The following ASXL1 variants were observed in gnomAD, a reference collection of about 807,000 sequenced individuals.
ASXL1 encodes the protein polycomb group protein ASXL1.
Under a neutral mutation model 89.1 loss-of-function variants are expected in ASXL1, and 65 were observed. That is an observed-to-expected ratio of 0.73 (90% confidence interval 0.60 to 0.90). The LOEUF (loss-of-function observed/expected upper bound fraction) is 0.90. Among genes scored for constraint, ASXL1 ranks in the 40% least tolerant of loss-of-function variants. The pLI is 0.00. For missense variants in ASXL1, 1,786 were observed against 1,942.9 expected (o/e 0.92, Z 1.52); for synonymous variants, 739 against 746.9 (o/e 0.99, Z 0.17).
intron 4 of ASXL1, among the ~76,000 whole-genome samples, chr20:32,418,363 G>A (rs1231965436): frequency 6.6e-6 from 1 of 152,050 alleles, no homozygotes. Flanking sequence ...CGCACAGTGA[G>A]ACCCTGTCTC....
intron 4 of ASXL1, among the ~76,000 whole-genome samples, chr20:32,396,937 TG>T (rs2048771852): frequency 6.6e-6 from 1 of 151,234 alleles, no homozygotes; most frequent in East Asian, 1.9e-4. Context: ...AGAATTGTCT[TG>T]GGCCACACAT....
chr20:32,386,590 G>A lies in ASXL1; in HGVS notation c.252+17467G>A, dbSNP rs531641897. The stretch of plus-strand genomic sequence containing the variant: ...GTGCCACCATGCCCAGCTGTTTTTT[G>A]TATAATTATTAGAGATGGGGTTTCG... On this transcript the variant is annotated intron_variant, in intron 4 of 12. Coordinates refer to ENST00000375687, the MANE Select transcript of ASXL1 (RefSeq NM_015338.6). 1.7e-3 allele frequency among the ~76,000 whole-genome samples: 260 copies of A among 151,946 alleles called. 3 individuals carry two copies. The highest frequency in any genetic ancestry group is 5.5e-3 in the African/African-American group (227 of 41,430).
chr20:32,420,501 T>C (rs1386424672), intron 4 of ASXL1, among the ~76,000 whole-genome samples: 10 of 152,190 alleles, frequency 6.6e-5, no homozygotes, highest in South Asian at 2.1e-4. Context: ...TTATTTTTTT[T>C]CAACATTAGC....
intron 10 of ASXL1, 162 bp from the exon 11 acceptor site, chr20:32,432,718 A>G: frequency 1.2e-6 from 1 of 838,320 alleles, no homozygotes; most frequent in South Asian, 1.7e-5. Context: ...GGAAGAGTGA[A>G]TTTCCCTTAT....
chr20:32,367,751 A>T (rs1287090932), intron 3 of ASXL1, 22 bp downstream of exon 3: 2 of 780,782 alleles, frequency 2.6e-6, no homozygotes, highest in Non-Finnish European at 4.8e-6. Context: ...CCTTTGGGAC[A>T]TATGGAATTG....
intron 12 of ASXL1, 124 bp from the exon 13 acceptor site, chr20:32,434,308 T>C (rs2011643777): frequency 8.0e-7 from 1 of 1,256,292 alleles, no homozygotes; most frequent in African/African-American, 1.5e-5. Flanking sequence ...TTTCATTGTT[T>C]TAAGGAAATT....
At chr20:32,392,259 C>T (rs563029452) in intron 4 of ASXL1, among the ~76,000 whole-genome samples, 2 of 149,560 alleles carry the variant, frequency 1.3e-5, no homozygotes, top group South Asian at 2.1e-4. Context: ...GGATTACAGG[C>T]GTGTGCCACC....
chr20:32,359,773 A>G (rs2048078849), intron 1 of ASXL1: 1 of 717,996 alleles, frequency 1.4e-6, no homozygotes, highest in Non-Finnish European at 2.6e-6. Flanking sequence ...TTGTGTTCAG[A>G]GCGTCAGAGG....
At chr20:32,371,556 G>A (rs1373470687) in intron 4 of ASXL1, among the ~76,000 whole-genome samples, 1 of 152,060 alleles carries the variant, frequency 6.6e-6, no homozygotes, top group Non-Finnish European at 1.5e-5. Context: ...CAAACTGCCA[G>A]GATTACAGAC....
chr20:32,436,703 C>T lies in ASXL1; in HGVS notation c.3991C>T (p.Pro1331Ser). The change falls in exon 13 of 13, where the codon CCA (proline) becomes TCA (serine). Residue 1331 changes from proline (P) to serine (S), a missense_variant. By Grantham distance (74) the Pro-to-Ser change is moderately conservative. Transcript: ENST00000375687. ...GATGCCTCTTCCTGCTGAGATCCCT[C>T]CAGTTTTTCCCAGTGGGAAGTTGGG... The part of the protein sequence containing the change: ...DPMPLPAEIP[P>S]VFPSGKLGPS... 5 of 1,614,006 alleles carry T rather than the reference C, an allele frequency of 3.1e-6. No individual in the cohort carries two copies. Among genetic ancestry groups the T allele is most frequent in the South Asian group, 1.1e-5 (1 of 91,082 alleles).
chr20:32,429,173 G>A lies in ASXL1; in HGVS notation c.472-165G>A, dbSNP rs905989993. 5.6e-6 allele frequency: 4 copies of A among 710,352 alleles called. No individual in the cohort carries two copies. Among genetic ancestry groups the A allele is most frequent in the Middle Eastern group, 3.4e-4 (1 of 2,974 alleles). 44.0% of individuals were successfully genotyped at this position (710,352 alleles called of 1,614,324 possible). A position where few individuals can be genotyped will look rare whatever the true frequency, so the allele number is the denominator to read the frequency against. Reference sequence around the variant, plus strand: ...TGATGCTTGGCACAGTGACCAGCACGTAGCTCAGTAACATTAACCAGTGCT... The same window carrying A: ...TGATGCTTGGCACAGTGACCAGCACATAGCTCAGTAACATTAACCAGTGCT... On this transcript the variant is annotated intron_variant, in intron 6 of 12. Transcript: ENST00000375687. This position sits in a 1 kb window ranked among gnomAD's most constrained non-coding sequence, Gnocchi z 4.9.
chr20:32,393,996 AT>A (rs11312197), intron 4 of ASXL1, among the ~76,000 whole-genome samples: 66,966 of 100,960 alleles, frequency 0.66, 21,554 homozygotes, highest in South Asian at 0.85. Flanking sequence ...ACACCTGGCT[AT>A]TTTTTTTTTT....
intron 4 of ASXL1, among the ~76,000 whole-genome samples, chr20:32,425,113 A>G (rs2011237888): frequency 6.6e-6 from 1 of 152,250 alleles, no homozygotes. Flanking sequence ...AAACGGAATC[A>G]TCAACTATGC....
chr20:32,374,840 T>G (rs572921054), intron 4 of ASXL1, among the ~76,000 whole-genome samples: 24 of 152,314 alleles, frequency 1.6e-4, no homozygotes, highest in Non-Finnish European at 2.8e-4. Flanking sequence ...CAAGGTGGTG[T>G]TAAATACATA....
At position 32,434,552 on chromosome 20, in the gene ASXL1, C is replaced by T. The variant is rs2011661718; in HGVS notation, c.1840C>T (p.Leu614Phe). The T allele has an allele frequency of 6.2e-7, 1 of 1,613,688 alleles. No homozygotes were observed. Among genetic ancestry groups the T allele is most frequent in the African/African-American group, 1.3e-5 (1 of 74,932 alleles). The change falls in exon 13 of 13, where the codon CTC becomes TTC. Residue 614 changes from leucine to phenylalanine, a missense_variant. Leu to Phe is a conservative substitution (Grantham distance 22). Coordinates refer to ENST00000375687, the MANE Select transcript of ASXL1 (RefSeq NM_015338.6). ...SCRGWTGARTLADIKARALQV... is the reference protein window; with the variant it reads ...SCRGWTGARTFADIKARALQV... ...CCGGGGTTGGACTGGCGCCAGGACCCTCGCAGACATTAAAGCCCGTGCTCT... is the reference window on the plus strand; with the variant it reads ...CCGGGGTTGGACTGGCGCCAGGACCTTCGCAGACATTAAAGCCCGTGCTCT...
chr20:32,427,134 G>C (rs1410245986), intron 4 of ASXL1: 1 of 152,142 alleles, frequency 6.6e-6, no homozygotes, highest in African/African-American at 2.4e-5. Flanking sequence ...ACTCTTTGTA[G>C]TTTTGAGGTG....
At chr20:32,391,129 A>G (rs994176588) in intron 4 of ASXL1, among the ~76,000 whole-genome samples, 4 of 151,962 alleles carry the variant, frequency 2.6e-5, no homozygotes, top group African/African-American at 7.3e-5. Flanking sequence ...GCCTCAAGGA[A>G]TCCTCCCACC....
Position 32,435,264 on chromosome 20 carries a change from C to T in ASXL1, c.2552C>T (p.Ser851Phe), listed in dbSNP as rs1167411017. Residue 851 changes from serine (S) to phenylalanine (F), a missense_variant, in exon 13 of 13, where the codon TCC becomes TTC. This residue lies in a region of ASXL1 where 1,418 missense variants were observed against 1,427.8 expected (regional missense o/e 0.99). Transcript: ENST00000375687. ...GTGACCCCCAGTTCCACACCTGAAT[C>T]CTCACCGACTGATTGCCTGCAGAAC... ...VNVTPSSTPE[S>F]SPTDCLQNRA... The T allele has an allele frequency of 6.2e-7, 1 of 1,614,148 alleles. No homozygotes were observed. Among genetic ancestry groups the T allele is most frequent in the South Asian group, 1.1e-5 (1 of 91,078 alleles).
At chr20:32,380,489 C>T (rs1490650669) in intron 4 of ASXL1, among the ~76,000 whole-genome samples, 4 of 152,116 alleles carry the variant, frequency 2.6e-5, no homozygotes, top group African/African-American at 4.8e-5. Context: ...TGGTGTCTTA[C>T]GCCTGTAATC....
Sources: allele counts gnomAD v4.1 joint callset (sites outside exome capture counted in the v4.1 genomes callset), GRCh38; gene constraint gnomAD v4.1.1; regional missense constraint gnomAD v4.1.1; non-coding constraint Gnocchi (gnomAD v3.1); transcripts MANE v1.5; gene names NCBI Gene and HGNC (gene_info 2026-07-23, HGNC 2026-07-21).